MYH9: variants seen among roughly 807,000 people sequenced by gnomAD.
The protein encoded by MYH9 is myosin-9.
MYH9 carries 29 observed loss-of-function variants against 241.9 expected under a neutral mutation model. That is an observed-to-expected ratio of 0.12 (90% CI 0.09 to 0.16). The LOEUF (loss-of-function observed/expected upper bound fraction) is 0.16, where lower values mean the gene tolerates loss of function less well. Ranked by LOEUF, MYH9 falls within the 10% of genes least tolerant of loss-of-function variation. The pLI, the probability that MYH9 is intolerant of heterozygous loss-of-function variation, is 1.00. For synonymous variants in MYH9, 1,047 were observed against 1,062.6 expected (o/e 0.99, Z 0.29); for missense variants, 1,803 against 2,595.5 (o/e 0.69, Z 6.63).
At chr22:36,298,775 G>T in intron 24 of MYH9, 144 bp downstream of exon 24, 1 of 1,281,894 alleles carries the variant, frequency 7.8e-7, no homozygotes, top group Non-Finnish European at 1.1e-6. Context: ...CAGGTCTAAA[G>T]GGCAGCAGCC....
chr22:36,291,847 G>T, intron 31 of MYH9, 139 bp downstream of exon 31: 2 of 1,249,774 alleles, frequency 1.6e-6, no homozygotes, highest in Non-Finnish European at 2.2e-6. Flanking sequence ...GAGCCTGAGG[G>T]TCCTCTAAGC....
At position 36,306,294 on chromosome 22, in the gene MYH9, C is replaced by A; in HGVS notation, c.2037+120G>T. 7.2e-7 allele frequency: 1 copy of A among 1,385,190 alleles called. No individual in the cohort carries two copies. The highest frequency in any genetic ancestry group is 1.2e-5 in the South Asian group (1 of 82,222). 85.8% of individuals were successfully genotyped at this position (1,385,190 alleles called of 1,614,324 possible). A position where few individuals can be genotyped will look rare whatever the true frequency, so the allele number is the denominator to read the frequency against. ...AGCCAAGGCCCACCCTGCAGAGAAA[C>A]GACTGAAGGCTCTGTGCATGCTGGG... On this transcript the variant is annotated intron_variant, in intron 16 of 40. Coordinates refer to ENST00000216181, the MANE Select transcript of MYH9 (RefSeq NM_002473.6). This position sits in a 1 kb window ranked among gnomAD's most constrained non-coding sequence, Gnocchi z 4.1.
intron 3 of MYH9, chr22:36,328,764 G>GA (rs1161033727): frequency 1.3e-5 from 2 of 152,258 alleles, no homozygotes; most frequent in Non-Finnish European, 2.9e-5. Flanking sequence ...GCCCTGGGTG[G>GA]AAACACGGAT....
Position 36,293,664 on chromosome 22 carries a change from G to T in MYH9, c.3942+95C>A. The T allele has an allele frequency of 7.4e-7, 1 of 1,346,712 alleles. No individual in the cohort carries two copies. 83.4% of individuals were successfully genotyped at this position (1,346,712 alleles called of 1,614,324 possible). On this transcript the variant is annotated intron_variant, in intron 29 of 40. Coordinates refer to ENST00000216181, the MANE Select transcript of MYH9 (RefSeq NM_002473.6). This position sits in a 1 kb window ranked among gnomAD's most constrained non-coding sequence, Gnocchi z 5.1. ...ACAGGATGAAGCAGATGAAGGAGAG[G>T]ATGGGCAATCCGATGGGCTCTGAAG...
intron 1 of MYH9, among the ~76,000 whole-genome samples, chr22:36,360,313 G>A (rs959449832): frequency 8.5e-5 from 13 of 152,114 alleles, no homozygotes; most frequent in African/African-American, 2.7e-4. Flanking sequence ...ATTTGCAGAG[G>A]GAAGAGGGTT....
Position 36,305,041 on chromosome 22 carries a change from C to A in MYH9, c.2221G>T (p.Val741Leu). ...ACAGCAGCTCAACTCACCATGAGCA[C>A]GCACGCCTGCTTCCCGTCCATGAAA... The part of the protein sequence containing the change: ...KGFMDGKQAC[V>L]LMIKALELDS... Residue 741 changes from valine (V) to leucine (L), a missense_variant, in exon 18 of 41, where the codon GTG (valine) becomes TTG (leucine). Transcript: ENST00000216181. This position sits in a 1 kb window ranked among gnomAD's most constrained non-coding sequence, Gnocchi z 4.7. 2 of 1,613,896 alleles carry A rather than the reference C, an allele frequency of 1.2e-6. No individual in the cohort carries two copies. Among genetic ancestry groups the A allele is most frequent in the Non-Finnish European group, 1.7e-6 (2 of 1,179,874 alleles).
Position 36,295,737 on chromosome 22 carries a change from C to T in MYH9, c.3273-20G>A. 1 of 1,605,774 alleles carries T rather than the reference C, an allele frequency of 6.2e-7. No individual in the cohort carries two copies. Among genetic ancestry groups the T allele is most frequent in the Non-Finnish European group, 8.5e-7 (1 of 1,175,432 alleles). On this transcript the variant is annotated intron_variant, in intron 25 of 40. Coordinates refer to ENST00000216181, the MANE Select transcript of MYH9 (RefSeq NM_002473.6). The surrounding 1 kb of genome is among the most constrained non-coding windows in gnomAD (Gnocchi z 4.1). ...TCCACTCTGCCAAAGCGACCAGCAA[C>T]ATCAGTATAAGGAGAGTTTCACCTC...
Position 36,288,914 on chromosome 22 carries a change from C to T in MYH9, c.4583G>A (p.Arg1528Gln), listed in dbSNP as rs772577695. The T allele has an allele frequency of 6.8e-6, 11 of 1,614,000 alleles. No individual in the cohort carries two copies. The highest frequency in any genetic ancestry group is 9.3e-6 in the Non-Finnish European group (11 of 1,180,026). ...CTCCTCCACCTGCTGCTCTAGGGCCCGCTTGGACTTCTCCAGCTCGTGGAC... is the reference window on the plus strand; with the variant it reads ...CTCCTCCACCTGCTGCTCTAGGGCCTGCTTGGACTTCTCCAGCTCGTGGAC... ...KSVHELEKSK[R>Q]ALEQQVEEMK... is the part of the protein sequence containing the mutation. The change falls in exon 33 of 41, where the codon CGG (arginine) becomes CAG (glutamine). Residue 1528 changes from arginine to glutamine, a missense_variant. This residue lies in a region of MYH9 where 876 missense variants were observed against 1,077.8 expected (regional missense o/e 0.81). Transcript: ENST00000216181. The surrounding 1 kb of genome is among the most constrained non-coding windows in gnomAD (Gnocchi z 4.8).
intron 1 of MYH9, among the ~76,000 whole-genome samples, chr22:36,359,078 C>T (rs1223693272): frequency 6.6e-6 from 1 of 152,228 alleles, no homozygotes; most frequent in East Asian, 1.9e-4. Flanking sequence ...GAGATCAAAG[C>T]TCAAACGCTC....
intron 2 of MYH9, among the ~76,000 whole-genome samples, chr22:36,345,972 C>T (rs962173562): frequency 3.3e-5 from 5 of 152,060 alleles, no homozygotes; most frequent in Non-Finnish European, 5.9e-5. Flanking sequence ...TATGGGGAAA[C>T]CCCGTCTTTA....
At chr22:36,376,290 G>A (rs925840302) in intron 1 of MYH9, among the ~76,000 whole-genome samples, 6 of 152,146 alleles carry the variant, frequency 3.9e-5, no homozygotes, top group South Asian at 2.1e-4. Context: ...AATTAATAAC[G>A]AGACTGTGAT....
chr22:36,337,382 T>C (rs2017516434), intron 3 of MYH9, among the ~76,000 whole-genome samples: 1 of 152,150 alleles, frequency 6.6e-6, no homozygotes, highest in Non-Finnish European at 1.5e-5. Context: ...GTGAGTGACA[T>C]ATAATTTATC....
intron 27 of MYH9, 56 bp from the exon 28 acceptor site, chr22:36,294,354 G>A: frequency 6.3e-7 from 1 of 1,575,206 alleles, no homozygotes. Flanking sequence ...AAGGCTGGCT[G>A]GTCTATCATC....
At chr22:36,302,710 G>A (rs1364879929) in intron 19 of MYH9, 34 bp from the exon 20 acceptor site, 1 of 1,579,476 alleles carries the variant, frequency 6.3e-7, no homozygotes, top group South Asian at 1.1e-5. Context: ...GCGCGGAGCA[G>A]TGGACAGCAG....
intron 1 of MYH9, among the ~76,000 whole-genome samples, chr22:36,361,504 C>T (rs1266003754): frequency 6.6e-6 from 1 of 152,116 alleles, no homozygotes; most frequent in Non-Finnish European, 1.5e-5. Context: ...GTACGTATTT[C>T]AAATCATGTT....
At chr22:36,360,286 T>C (rs926581495) in intron 1 of MYH9, among the ~76,000 whole-genome samples, 1 of 152,074 alleles carries the variant, frequency 6.6e-6, no homozygotes, top group Admixed American at 6.6e-5. Context: ...TCAGGGACAG[T>C]GACTATAAAG....
intron 1 of MYH9, among the ~76,000 whole-genome samples, chr22:36,360,151 T>C (rs1182511080): frequency 1.4e-5 from 2 of 147,738 alleles, no homozygotes; most frequent in African/African-American, 5.0e-5. Flanking sequence ...AACTCCTCTA[T>C]CTTGTGATTC....
At position 36,318,112 on chromosome 22, in the gene MYH9, G is replaced by A. The variant is rs116656795; in HGVS notation, c.1227+95C>T. 3.7e-4 allele frequency: 395 copies of A among 1,073,360 alleles called. 3 individuals carry two copies. The highest frequency in any genetic ancestry group is 3.6e-3 in the African/African-American group (233 of 64,402). The allele number at this position is 1,073,360 out of a possible 1,614,324, so 66.5% of individuals were successfully genotyped here. A position where few individuals can be genotyped will look rare whatever the true frequency, so the allele number is the denominator to read the frequency against. ...GGAATCATGTGAAAGTGCCTGACAC[G>A]GACACCCCAGGATGGCCCACAACAG... On this transcript the variant is annotated intron_variant, in intron 11 of 40. Transcript: ENST00000216181.
At chr22:36,366,973 T>A (rs777877741) in intron 1 of MYH9, among the ~76,000 whole-genome samples, 15 of 152,140 alleles carry the variant, frequency 9.9e-5, no homozygotes, top group Non-Finnish European at 2.2e-4. Context: ...AAGCTTCTAT[T>A]TGTCTAGGTC....
Sources: allele counts gnomAD v4.1 joint callset (sites outside exome capture counted in the v4.1 genomes callset), GRCh38; gene constraint gnomAD v4.1.1; regional missense constraint gnomAD v4.1.1; non-coding constraint Gnocchi (gnomAD v3.1); transcripts MANE v1.5; gene names NCBI Gene and HGNC (gene_info 2026-07-23, HGNC 2026-07-21).